FAM13A: variants seen among roughly 807,000 people sequenced by gnomAD.
The protein encoded by FAM13A is protein FAM13A.
A neutral mutation model predicts 129.6 loss-of-function variants in FAM13A; 76 were observed. That is an observed-to-expected ratio of 0.59 (90% CI 0.49 to 0.71). FAM13A has a LOEUF of 0.71. Among genes scored for constraint, FAM13A ranks in the 30% least tolerant of loss-of-function variants. The pLI, the probability that FAM13A is intolerant of heterozygous loss-of-function variation, is 0.00. For synonymous variants in FAM13A, 443 were observed against 449.9 expected, an observed-to-expected ratio of 0.98 and a Z score of 0.20; for missense variants, 1,108 against 1,249.3, an observed-to-expected ratio of 0.89 and a Z score of 1.70.
At chr4:88,840,744 T>C (rs1735673688) in intron 7 of FAM13A, among the ~76,000 whole-genome samples, 1 of 151,914 alleles carries the variant, frequency 6.6e-6, no homozygotes, top group Admixed American at 6.6e-5. Flanking sequence ...ATCTAAATCA[T>C]GCTCATATCT....
intron 10 of FAM13A, among the ~76,000 whole-genome samples, chr4:88,787,294 T>C (rs1724163440): frequency 6.6e-6 from 1 of 152,134 alleles, no homozygotes; most frequent in African/African-American, 2.4e-5. Context: ...TAAAACATAA[T>C]CAAATGTCAG....
chr4:88,753,206 A>AT (rs1352714559), intron 14 of FAM13A, among the ~76,000 whole-genome samples: 4 of 152,214 alleles, frequency 2.6e-5, no homozygotes, highest in African/African-American at 9.6e-5. Flanking sequence ...ACAAATTTTT[A>AT]CTTATAAGAG....
rs368890654 is a variant in FAM13A, at chr4:88,980,021, TTAAA to T, written c.605+10948_605+10951del. 6.4e-4 allele frequency among the ~76,000 whole-genome samples: 98 copies of T among 152,370 alleles called. 1 individual carries two copies. In the South Asian group the frequency reaches 0.018, roughly 28 times the overall value. On this transcript the variant is annotated intron_variant, in intron 4 of 23. Transcript: ENST00000264344. ...TTCTAAATGCAATTTATAAAATGGC[TTAAA>T]TAAATTGTATTGCTCAAAAGATCAG...
chr4:89,012,816 T>C (rs1181120996), intron 3 of FAM13A, among the ~76,000 whole-genome samples: 1 of 151,918 alleles, frequency 6.6e-6, no homozygotes. Flanking sequence ...CATTCAACTA[T>C]GAAATCACTT....
chr4:88,765,896 C>G (rs999796185), intron 13 of FAM13A, among the ~76,000 whole-genome samples: 7 of 152,156 alleles, frequency 4.6e-5, no homozygotes, highest in African/African-American at 1.7e-4. Flanking sequence ...TTGGTGGCTG[C>G]ACATGAGTAA....
intron 6 of FAM13A, among the ~76,000 whole-genome samples, chr4:88,859,591 T>G (rs567022266): frequency 7.2e-5 from 11 of 152,214 alleles, no homozygotes; most frequent in African/African-American, 2.6e-4. Context: ...GGAGAATGTA[T>G]GAAGGAGTTG....
At chr4:88,775,845 A>G (rs1721608165) in intron 11 of FAM13A, among the ~76,000 whole-genome samples, 1 of 152,228 alleles carries the variant, frequency 6.6e-6, no homozygotes, top group Non-Finnish European at 1.5e-5. Flanking sequence ...ATTCTTTAGC[A>G]CATTTAGTTG....
At chr4:88,938,006 G>T in intron 5 of FAM13A, 82 bp downstream of exon 5, 1 of 1,062,050 alleles carries the variant, frequency 9.4e-7, no homozygotes, top group Non-Finnish European at 1.4e-6. Flanking sequence ...ATATCCATAT[G>T]GAATTTTTAT....
At chr4:88,878,060 C>T (rs1015059207) in intron 6 of FAM13A, among the ~76,000 whole-genome samples, 8 of 151,980 alleles carry the variant, frequency 5.3e-5, no homozygotes, top group African/African-American at 1.2e-4. Flanking sequence ...AGGGCCGAGG[C>T]GGGCGGATCA....
chr4:88,955,447 T>C (rs965928898), intron 4 of FAM13A, among the ~76,000 whole-genome samples: 2 of 152,166 alleles, frequency 1.3e-5, no homozygotes, highest in African/African-American at 4.8e-5. Flanking sequence ...GGTATGTCTT[T>C]ATTAGCAGCG....
Position 88,726,429 on chromosome 4 carries a change from A to ATCTT in FAM13A, c.*2100_*2103dup, listed in dbSNP as rs1365839363. ...AATTCAAATGGGGATTCCTGAATAA[A>ATCTT]TCTTTAGTTAATTTACCTTTGGCAG... On this transcript the variant is annotated 3_prime_UTR_variant, in exon 24 of 24. Coordinates refer to ENST00000264344, the MANE Select transcript of FAM13A (RefSeq NM_014883.4). 2 of 152,638 alleles carry ATCTT rather than the reference A, an allele frequency of 1.3e-5. No homozygotes were observed. The highest frequency in any genetic ancestry group is 6.5e-5 in the Admixed American group (1 of 15,282). 9.5% of individuals were successfully genotyped at this position (152,638 alleles called of 1,614,324 possible).
At chr4:88,828,186 G>A (rs1433768376) in intron 7 of FAM13A, among the ~76,000 whole-genome samples, 4 of 152,174 alleles carry the variant, frequency 2.6e-5, no homozygotes, top group Non-Finnish European at 4.4e-5. Flanking sequence ...GTCCAGGCTG[G>A]AGTGTAATGG....
chr4:88,764,942 G>T (rs17014517), intron 13 of FAM13A, among the ~76,000 whole-genome samples: 1,637 of 152,194 alleles, frequency 0.011, 31 homozygotes, highest in African/African-American at 0.037. Context: ...GGAGAATCTC[G>T]TTTTGGACAA....
chr4:88,766,029 C>T (rs971575391), intron 13 of FAM13A, among the ~76,000 whole-genome samples: 1 of 152,166 alleles, frequency 6.6e-6, no homozygotes, highest in African/African-American at 2.4e-5. Context: ...TTTAGTTTGC[C>T]ATTTAGTTTG....
rs947966004 is a variant in FAM13A, at chr4:88,786,866, T to C, written c.1271+887A>G. On this transcript the variant is annotated intron_variant, in intron 10 of 23. Transcript: ENST00000264344. Reference sequence around the variant, plus strand: ...AATGCGAATGAGGGGTGTGGGACTATTATATATTCATAAAGATTAAAAATT... The same window carrying C: ...AATGCGAATGAGGGGTGTGGGACTACTATATATTCATAAAGATTAAAAATT... Among the ~76,000 whole-genome samples, 8 of 151,992 alleles carry C rather than the reference T, an allele frequency of 5.3e-5. 1 individual carries two copies. The highest frequency in any genetic ancestry group is 1.9e-4 in the African/African-American group (8 of 41,418).
rs749683875 is a variant in FAM13A, at chr4:88,768,071, C to T, written c.1459-12G>A. On this transcript the variant is annotated splice_polypyrimidine_tract_variant and intron_variant, in intron 11 of 23. Coordinates refer to ENST00000264344, the MANE Select transcript of FAM13A (RefSeq NM_014883.4). ...AGACTTTCCATATTCTGTAACAGAA[C>T]CATTATTGGTTGCCTAATAGGAATG... The T allele has an allele frequency of 1.5e-5, 23 of 1,549,004 alleles. No homozygotes were observed. In the African/African-American group the frequency reaches 2.3e-4, roughly 16 times the overall value.
At chr4:89,043,745 A>G (rs1345943182) in intron 1 of FAM13A, among the ~76,000 whole-genome samples, 1 of 152,182 alleles carries the variant, frequency 6.6e-6, no homozygotes, top group African/African-American at 2.4e-5. Context: ...AAAAAGATAA[A>G]TTGAACATCA....
intron 7 of FAM13A, among the ~76,000 whole-genome samples, chr4:88,820,439 T>C (rs771723007): frequency 2.3e-4 from 35 of 152,196 alleles, no homozygotes; most frequent in Non-Finnish European, 4.6e-4. Flanking sequence ...AGAGTAGTGT[T>C]CAGTCAAAGA....
intron 7 of FAM13A, among the ~76,000 whole-genome samples, chr4:88,842,332 A>G (rs1314966876): frequency 5.3e-5 from 8 of 152,258 alleles, no homozygotes; most frequent in African/African-American, 1.9e-4. Flanking sequence ...AACATTTGAA[A>G]TAATGTGGTT....
Sources: allele counts gnomAD v4.1 joint callset (sites outside exome capture counted in the v4.1 genomes callset), GRCh38; gene constraint gnomAD v4.1.1; transcripts MANE v1.5; gene names NCBI Gene and HGNC (gene_info 2026-07-23, HGNC 2026-07-21).